CCDC30: variants seen among roughly 807,000 people sequenced by gnomAD.
CCDC30 encodes coiled-coil domain containing 30.
In CCDC30, 70 loss-of-function variants were observed where a neutral mutation model predicts 100.2. That is an observed-to-expected ratio of 0.70 (90% CI 0.58 to 0.85). The LOEUF (loss-of-function observed/expected upper bound fraction) is 0.85. Ranked by LOEUF, CCDC30 falls within the 40% of genes least tolerant of loss-of-function variation. The pLI is 0.00. For synonymous variants in CCDC30, 233 were observed against 269.5 expected (o/e 0.86, Z 1.33); for missense variants, 652 against 771.2 (o/e 0.85, Z 1.83).
At chr1:42,612,739 C>T (rs946033721) in intron 11 of CCDC30, among the ~76,000 whole-genome samples, 2 of 152,098 alleles carry the variant, frequency 1.3e-5, no homozygotes, top group African/African-American at 2.4e-5. Context: ...CTATTTTAAT[C>T]GTTATATTTC....
At chr1:42,473,079 G>T (rs1306816752) in intron 1 of CCDC30, 1 of 1,221,810 alleles carries the variant, frequency 8.2e-7, no homozygotes, top group Non-Finnish European at 1.0e-6. Context: ...TCAGTTGTGT[G>T]TGTGTGTGTG....
At chr1:42,559,997 C>T (rs906368684) in intron 6 of CCDC30, among the ~76,000 whole-genome samples, 3 of 152,142 alleles carry the variant, frequency 2.0e-5, no homozygotes, top group Non-Finnish European at 2.9e-5. Flanking sequence ...TCACACAAAA[C>T]CATGCAATTT....
At chr1:42,482,889 G>GAT in intron 3 of CCDC30, 73 bp downstream of exon 3, 1 of 917,394 alleles carries the variant, frequency 1.1e-6, no homozygotes, top group Non-Finnish European at 1.4e-6. Flanking sequence ...GGTGGAACAT[G>GAT]AGAAAAAAAA....
chr1:42,474,872 CT>C (rs34287526), intron 1 of CCDC30, among the ~76,000 whole-genome samples: 2 of 152,146 alleles, frequency 1.3e-5, no homozygotes, highest in Non-Finnish European at 2.9e-5. Context: ...ATAAAAGTAG[CT>C]TTTTGTGAAG....
At chr1:42,636,073 A>T (rs1647149194) in intron 11 of CCDC30, among the ~76,000 whole-genome samples, 1 of 152,134 alleles carries the variant, frequency 6.6e-6, no homozygotes, top group African/African-American at 2.4e-5. Context: ...ATTGGCCATA[A>T]CTTAGATGTA....
At chr1:42,512,526 CT>C (rs1221714244) in intron 6 of CCDC30, among the ~76,000 whole-genome samples, 1 of 152,186 alleles carries the variant, frequency 6.6e-6, no homozygotes, top group Non-Finnish European at 1.5e-5. Context: ...ATAGAATTTC[CT>C]GATCTTGCCT....
chr1:42,545,948 TTAA>T (rs56842129), intron 6 of CCDC30, among the ~76,000 whole-genome samples: 20,422 of 148,492 alleles, frequency 0.14, 1,525 homozygotes, highest in East Asian at 0.18. Flanking sequence ...TGTTTCAAAA[TTAA>T]TAATAATAAT....
intron 11 of CCDC30, among the ~76,000 whole-genome samples, chr1:42,636,885 G>T (rs533130297): frequency 2.2e-5 from 3 of 136,780 alleles, no homozygotes; most frequent in African/African-American, 8.2e-5. Context: ...AGAATCGCTT[G>T]AACCCAGGAG....
chr1:42,481,825 AG>A (rs780069563), intron 2 of CCDC30, among the ~76,000 whole-genome samples: 1 of 152,216 alleles, frequency 6.6e-6, no homozygotes, highest in East Asian at 1.9e-4. Flanking sequence ...TGTACATCAC[AG>A]TATTATTTTC....
upstream of CCDC30, chr1:42,460,361 TA>T (rs536121182): frequency 1.1e-3 from 1,093 of 987,150 alleles, 7 homozygotes; most frequent in African/African-American, 0.018. Context: ...AATGGATGTA[TA>T]AAAAAATCAA....
chr1:42,621,867 G>A (rs1297478530), intron 11 of CCDC30, among the ~76,000 whole-genome samples: 4 of 151,790 alleles, frequency 2.6e-5, no homozygotes, highest in Non-Finnish European at 2.9e-5. Context: ...GGCTGGTCTC[G>A]AACCTGTGTG....
intron 10 of CCDC30, among the ~76,000 whole-genome samples, chr1:42,600,489 G>T (rs1261548154): frequency 6.6e-6 from 1 of 152,142 alleles, no homozygotes; most frequent in Non-Finnish European, 1.5e-5. Flanking sequence ...AACAACAGCA[G>T]ATTACACATT....
chr1:42,540,411 A>G (rs144543283), intron 6 of CCDC30, among the ~76,000 whole-genome samples: 97 of 152,280 alleles, frequency 6.4e-4, no homozygotes, highest in African/African-American at 2.2e-3. Context: ...GCCTTTTAAA[A>G]TATCATTGAA....
intron 10 of CCDC30, among the ~76,000 whole-genome samples, chr1:42,606,023 C>T (rs904463184): frequency 1.3e-5 from 2 of 152,092 alleles, no homozygotes; most frequent in South Asian, 2.1e-4. Flanking sequence ...AAGTTAGGCA[C>T]GTTGTGAAAG....
At chr1:42,635,938 T>G (rs1459076721) in intron 11 of CCDC30, among the ~76,000 whole-genome samples, 1 of 152,252 alleles carries the variant, frequency 6.6e-6, no homozygotes, top group Admixed American at 6.5e-5. Context: ...TGCATCCTTG[T>G]CAGCACTTGT....
intron 14 of CCDC30, 73 bp from the exon 19 acceptor site, chr1:42,646,062 T>A: frequency 6.7e-7 from 1 of 1,488,222 alleles, no homozygotes; most frequent in East Asian, 2.3e-5. Flanking sequence ...ATTCCGTATG[T>A]GTCAAAGGTA....
chr1:42,565,949 C>T (rs1645597210), intron 6 of CCDC30, among the ~76,000 whole-genome samples: 1 of 151,956 alleles, frequency 6.6e-6, no homozygotes, highest in Non-Finnish European at 1.5e-5. Context: ...TCACACTCTA[C>T]TTCTTAACAT....
chr1:42,609,334 C>T (rs372880618), intron 10 of CCDC30, among the ~76,000 whole-genome samples: 16 of 152,226 alleles, frequency 1.1e-4, no homozygotes, highest in Admixed American at 2.6e-4. Flanking sequence ...TGCAAGAGTA[C>T]AATACATGAT....
intron 10 of CCDC30, among the ~76,000 whole-genome samples, chr1:42,602,949 A>T (rs1269378505): frequency 1.3e-5 from 2 of 152,270 alleles, no homozygotes; most frequent in African/African-American, 4.8e-5. Flanking sequence ...GATTTATCTC[A>T]GGTATGCAAA....
Sources: gnomAD v4.1 joint callset for allele counts (sites outside exome capture counted in the v4.1 genomes callset) on GRCh38, gnomAD v4.1.1 for gene constraint, MANE v1.5 for transcripts, NCBI Gene and HGNC (gene_info 2026-07-23, HGNC 2026-07-21) for gene names.